Variants in PMM2 observed in about 807,000 individuals in gnomAD.
PMM2 encodes mannose-6-phosphate isomerase.
A neutral mutation model predicts 33.2 loss-of-function variants in PMM2; 35 were observed. The ratio of observed to expected loss-of-function variants is 1.06; its 90% CI spans 0.81 to 1.40. PMM2 has a LOEUF of 1.40. Ranked by LOEUF, PMM2 falls within the 40% of genes most tolerant of loss-of-function variation. The pLI is 0.00. For missense variants in PMM2, 386 were observed against 306.0 expected (o/e 1.26, Z -1.95); for synonymous variants, 153 against 114.7 (o/e 1.33, Z -2.13).
intron 7 of PMM2, among the ~76,000 whole-genome samples, chr16:8,838,360 T>TA (rs2060865280): frequency 6.6e-6 from 1 of 151,614 alleles, no homozygotes; most frequent in African/African-American, 2.4e-5. Context: ...GTGCAAGTCA[T>TA]AGGGGATGCG....
intron 7 of PMM2, among the ~76,000 whole-genome samples, chr16:8,815,387 C>T (rs371449934): frequency 6.6e-6 from 1 of 151,996 alleles, no homozygotes; most frequent in Non-Finnish European, 1.5e-5. Context: ...CCTGCCACCA[C>T]GCCCGGCTAA....
chr16:8,845,362 T>G lies in PMM2; in HGVS notation c.640-2362T>G, dbSNP rs182385655. Among the ~76,000 whole-genome samples, 612 of 152,276 alleles carry G rather than the reference T, an allele frequency of 4.0e-3. 5 individuals are homozygous for G. The highest frequency in any genetic ancestry group is 0.014 in the African/African-American group (565 of 41,544). ...TGTCATCAGTTAAGGCTATTTTTAC[T>G]TCTTTTGTGGATCTTTAGTTACTTC... On this transcript the variant is annotated intron_variant, in intron 7 of 7. Transcript: ENST00000268261.
intron 7 of PMM2, chr16:8,832,549 A>AG (rs2060816954): frequency 1.0e-6 from 1 of 985,400 alleles, no homozygotes; most frequent in South Asian, 4.7e-5. Context: ...AGCAACTGTC[A>AG]GGGGACTAGC....
At chr16:8,811,599 C>A in intron 5 of PMM2, 39 bp from the exon 6 acceptor site, 2 of 1,253,162 alleles carry the variant, frequency 1.6e-6, no homozygotes, top group Non-Finnish European at 2.4e-6. Flanking sequence ...TTCTAAACTG[C>A]AATACAAGAA....
intron 7 of PMM2, among the ~76,000 whole-genome samples, chr16:8,831,634 C>A (rs2060810404): frequency 6.6e-6 from 1 of 152,246 alleles, no homozygotes; most frequent in Non-Finnish European, 1.5e-5. Context: ...CGAAGCAGTT[C>A]ACGCAGGCTG....
At chr16:8,840,628 T>A (rs986710392) in intron 7 of PMM2, among the ~76,000 whole-genome samples, 2 of 151,806 alleles carry the variant, frequency 1.3e-5, no homozygotes, top group African/African-American at 4.8e-5. Context: ...ACGACTGAGT[T>A]TAAGGGAAGT....
At position 8,838,593 on chromosome 16, in the gene PMM2, A is replaced by AT. The variant is rs1426149202; in HGVS notation, c.640-9129dup. Among the ~76,000 whole-genome samples, 3 of 151,844 alleles carry AT rather than the reference A, an allele frequency of 2.0e-5. No homozygotes were observed. The South Asian group carries it at 6.2e-4, about 31-fold the overall frequency. On this transcript the variant is annotated intron_variant, in intron 7 of 7. Transcript: ENST00000268261. The stretch of plus-strand genomic sequence containing the variant: ...GGGAGGTCTTGTGGTAAGGGGTGAT[A>AT]TTGTGGGGATGTTAGAAGAAACATT...
chr16:8,804,919 C>A, intron 3 of PMM2, 76 bp downstream of exon 3: 1 of 901,336 alleles, frequency 1.1e-6, no homozygotes. Flanking sequence ...ATGAATGCCT[C>A]TAGGAAGATG....
chr16:8,848,107 A>C lies in PMM2; in HGVS notation c.*282A>C. ...TCTAATACCCACCCTGATACGTGCA[A>C]TCATGTAGTTTTGGCGGAAATTTCC... On this transcript the variant is annotated 3_prime_UTR_variant, in exon 8 of 8. Transcript: ENST00000268261. The C allele has an allele frequency of 2.3e-6, 1 of 428,598 alleles. No homozygotes were observed. 26.5% of individuals were successfully genotyped at this position (428,598 alleles called of 1,614,324 possible). A position where few individuals can be genotyped will look rare whatever the true frequency, so the allele number is the denominator to read the frequency against.
chr16:8,837,977 C>G (rs190997832), intron 7 of PMM2, among the ~76,000 whole-genome samples: 1 of 152,060 alleles, frequency 6.6e-6, no homozygotes, highest in Non-Finnish European at 1.5e-5. Context: ...GTGTTTCATG[C>G]GCGTCCGTGT....
At chr16:8,829,005 T>C (rs1014762041) in intron 7 of PMM2, among the ~76,000 whole-genome samples, 1 of 151,944 alleles carries the variant, frequency 6.6e-6, no homozygotes, top group Non-Finnish European at 1.5e-5. Flanking sequence ...TGAGATGGAG[T>C]CTCACTCTAT....
At chr16:8,824,057 C>T (rs12444926) in intron 7 of PMM2, among the ~76,000 whole-genome samples, 6,914 of 152,260 alleles carry the variant, frequency 0.045, 235 homozygotes, top group Middle Eastern at 0.13. Flanking sequence ...AAATAGTTTC[C>T]AAATTCTGGA....
rs556597913 is a variant in PMM2, at chr16:8,838,525, TA to T, written c.640-9198del. Among the ~76,000 whole-genome samples the T allele has an allele frequency of 9.1e-4, 139 of 151,932 alleles. 4 individuals are homozygous for T. The South Asian group carries it at 0.025, about 28-fold the overall frequency. The stretch of plus-strand genomic sequence containing the variant: ...TTCTCAGGGCTGCTTCAAGCGGGAT[TA>T]GGGGCGGCGTGGGAACCTAGAGTGG... On this transcript the variant is annotated intron_variant, in intron 7 of 7. Transcript: ENST00000268261.
intron 3 of PMM2, among the ~76,000 whole-genome samples, chr16:8,805,728 T>C (rs2060644331): frequency 6.6e-6 from 1 of 152,088 alleles, no homozygotes; most frequent in Non-Finnish European, 1.5e-5. Flanking sequence ...TAGGTGGGAT[T>C]ACAGGCATCC....
intron 6 of PMM2, among the ~76,000 whole-genome samples, chr16:8,812,360 A>G (rs954809671): frequency 6.6e-6 from 1 of 152,110 alleles, no homozygotes; most frequent in Non-Finnish European, 1.5e-5. Context: ...TTCTCTTGTC[A>G]GTGCTAATGA....
chr16:8,838,793 C>A (rs139843902), intron 7 of PMM2, among the ~76,000 whole-genome samples: 2 of 152,028 alleles, frequency 1.3e-5, no homozygotes, highest in Non-Finnish European at 2.9e-5. Context: ...AGCGTAATTA[C>A]TTGCTTGGTT....
rs752484926 is a variant in PMM2, at chr16:8,804,031, G to GTTTTTTTTTTTTTT, written c.179-729_179-716dup. Among the ~76,000 whole-genome samples the GTTTTTTTTTTTTTT allele has an allele frequency of 2.7e-4, 24 of 87,482 alleles. 1 individual carries two copies. The highest frequency in any genetic ancestry group is 1.0e-3 in the African/African-American group (23 of 21,948). The allele number at this position is 87,482 out of a possible 152,430, so 57.4% of individuals were successfully genotyped here. ...GTTTTTTGTTTTTTGGGTTTTTTTT[G>GTTTTTTTTTTTTTT]TTTTTTTTTTTTTTTTTTTTGACGT... On this transcript the variant is annotated intron_variant, in intron 2 of 7. Transcript: ENST00000268261.
chr16:8,848,236 T>C lies in PMM2; in HGVS notation c.*411T>C, dbSNP rs1233816038. 1 of 226,934 alleles carries C rather than the reference T, an allele frequency of 4.4e-6. No individual in the cohort carries two copies. The highest frequency in any genetic ancestry group is 8.9e-6 in the Non-Finnish European group (1 of 111,848). 14.1% of individuals were successfully genotyped at this position (226,934 alleles called of 1,614,324 possible). A position where few individuals can be genotyped will look rare whatever the true frequency, so the allele number is the denominator to read the frequency against. On this transcript the variant is annotated 3_prime_UTR_variant, in exon 8 of 8. Transcript: ENST00000268261. ...TTTTTTTAATGGGCCCCTGCATCAATACCAAACATGGGGGTTTGGTAATGA... is the reference window on the plus strand; with the variant it reads ...TTTTTTTAATGGGCCCCTGCATCAACACCAAACATGGGGGTTTGGTAATGA...
chr16:8,800,606 C>T (rs573615050), intron 1 of PMM2, among the ~76,000 whole-genome samples: 2 of 151,300 alleles, frequency 1.3e-5, no homozygotes, highest in Non-Finnish European at 2.9e-5. Flanking sequence ...AGTTATCTTA[C>T]TCTTTTACAT....
Sources: allele counts gnomAD v4.1 joint callset (sites outside exome capture counted in the v4.1 genomes callset), GRCh38; gene constraint gnomAD v4.1.1; transcripts MANE v1.5; gene names NCBI Gene and HGNC (gene_info 2026-07-23, HGNC 2026-07-21).